PHRF1: variants seen among roughly 807,000 people sequenced by gnomAD.
PHRF1 encodes the protein PHD and RING finger domain-containing protein 1.
PHRF1 carries 53 observed loss-of-function variants against 128.9 expected under a neutral mutation model. The ratio of observed to expected loss-of-function variants is 0.41; its 90% confidence interval spans 0.33 to 0.52. The LOEUF is 0.52. PHRF1 is among the 20% of genes least tolerant of loss of function. The pLI, the probability that PHRF1 is intolerant of heterozygous loss-of-function variation, is 0.21. For synonymous variants in PHRF1, 1,178 were observed against 980.6 expected, an observed-to-expected ratio of 1.20 and a Z score of -3.76; for missense variants, 2,503 against 2,284.5, an observed-to-expected ratio of 1.10 and a Z score of -1.95.
chr11:582,918 C>G (rs1267963928), intron 3 of PHRF1, among the ~76,000 whole-genome samples: 1 of 151,790 alleles, frequency 6.6e-6, no homozygotes, highest in Non-Finnish European at 1.5e-5. Flanking sequence ...CCTGTAATCC[C>G]AGCTACTCGG....
chr11:586,185 G>A (rs111830833), intron 3 of PHRF1, among the ~76,000 whole-genome samples: 1,905 of 152,012 alleles, frequency 0.013, 15 homozygotes, highest in Non-Finnish European at 0.017. Context: ...TAGTAGAGAC[G>A]GGGTTTCACT....
Position 608,545 on chromosome 11 carries a change from C to T in PHRF1, c.3089C>T (p.Ser1030Leu), listed in dbSNP as rs763792441. The change falls in exon 14 of 18, where the codon TCG becomes TTG. Residue 1030 changes from serine to leucine, a missense_variant. Transcript: ENST00000264555. ...CGCTCTGAATCCAGGGACAGGAGCTCGAGGTCAGCGTCACCATCAGTGGGT... is the reference window on the plus strand; with the variant it reads ...CGCTCTGAATCCAGGGACAGGAGCTTGAGGTCAGCGTCACCATCAGTGGGT... ...GTRSESRDRS[S>L]RSASPSVGEE... 1.4e-5 allele frequency: 23 copies of T among 1,612,162 alleles called. No homozygotes were observed. The highest frequency in any genetic ancestry group is 7.7e-5 in the South Asian group (7 of 91,062).
At chr11:596,655 C>A (rs1388274735) in intron 6 of PHRF1, among the ~76,000 whole-genome samples, 2 of 152,246 alleles carry the variant, frequency 1.3e-5, no homozygotes, top group African/African-American at 4.8e-5. Flanking sequence ...TCCTGACTTA[C>A]AGACGGCCGC....
In PHRF1 at chr11:610,144, C is replaced by T. The variant is rs1251598608; in HGVS notation, c.4265-52C>T. 6.2e-6 allele frequency: 9 copies of T among 1,451,002 alleles called. No individual in the cohort carries two copies. In the African/African-American group the frequency reaches 7.2e-5, roughly 12 times the overall value. The allele number at this position is 1,451,002 out of a possible 1,614,324, so 89.9% of individuals were successfully genotyped here. On this transcript the variant is annotated intron_variant, in intron 14 of 17. Coordinates refer to ENST00000264555, the MANE Select transcript of PHRF1 (RefSeq NM_001286581.2). ...ATTTTTCCAGCCATGAAACAGCATT[C>T]TGGGCAGGGGTGGGCACAGAGCACC...
In PHRF1 at chr11:582,264, CTTT is replaced by C. The variant is rs71022934; in HGVS notation, c.214+199_214+201del. Among the ~76,000 whole-genome samples, 147 of 120,628 alleles carry C rather than the reference CTTT, an allele frequency of 1.2e-3. 1 individual carries two copies. The highest frequency in any genetic ancestry group is 3.0e-3 in the African/African-American group (101 of 33,956). 79.1% of individuals were successfully genotyped at this position (120,628 alleles called of 152,430 possible). A position where few individuals can be genotyped will look rare whatever the true frequency, so the allele number is the denominator to read the frequency against. On this transcript the variant is annotated intron_variant, in intron 3 of 17. Transcript: ENST00000264555. Reference sequence around the variant, plus strand: ...TCACTTTATTTGTAGTACTTCATTTCTTTTTTTTTTTTTTTTTTGAGACAGGGT... The same window carrying C: ...TCACTTTATTTGTAGTACTTCATTTCTTTTTTTTTTTTTTTGAGACAGGGT...
At position 601,534 on chromosome 11, in the gene PHRF1, C is replaced by T. The variant is rs769355822; in HGVS notation, c.1025-40C>T. On this transcript the variant is annotated intron_variant, in intron 9 of 17. Transcript: ENST00000264555. ...CTCACAGGAATGGGGCAGGGAGGGC[C>T]CAGCACAGAGAAGCACAGACTTCAA... 20 of 1,612,538 alleles carry T rather than the reference C, an allele frequency of 1.2e-5. 1 individual carries two copies. Among genetic ancestry groups the T allele is most frequent in the Middle Eastern group, 1.7e-4 (1 of 6,054 alleles).
intron 3 of PHRF1, among the ~76,000 whole-genome samples, chr11:585,577 GCCCTTT>G (rs1854485079): frequency 8.4e-6 from 1 of 119,442 alleles, no homozygotes; most frequent in Non-Finnish European, 1.7e-5. Context: ...TGAGGTAGTA[GCCCTTT>G]CCAGCTTGAG....
chr11:594,495 C>G (rs1242690439), intron 6 of PHRF1, among the ~76,000 whole-genome samples: 1 of 151,418 alleles, frequency 6.6e-6, no homozygotes, highest in Non-Finnish European at 1.5e-5. Context: ...TCTTGGCTCA[C>G]TGCAACCTCT....
chr11:584,273 A>G lies in PHRF1; in HGVS notation c.214+2192A>G, dbSNP rs561968628. 2.0e-5 allele frequency among the ~76,000 whole-genome samples: 3 copies of G among 152,244 alleles called. No homozygotes were observed. In the South Asian group the frequency reaches 6.2e-4, roughly 32 times the overall value. On this transcript the variant is annotated intron_variant, in intron 3 of 17. Transcript: ENST00000264555. ...CAGTTCTGGCGTTGCCAGGGCTGAA[A>G]GTGTGGGCCGTCAGGGCCGCCAGGT...
At chr11:601,492 C>T (rs2133028163) in intron 9 of PHRF1, 82 bp from the exon 10 acceptor site, 1 of 1,572,922 alleles carries the variant, frequency 6.4e-7, no homozygotes, top group Non-Finnish European at 8.6e-7. Context: ...TCCTTGGGCT[C>T]CGTCCACTGG....
At chr11:593,463 G>A (rs1195818055) in intron 6 of PHRF1, among the ~76,000 whole-genome samples, 4 of 152,376 alleles carry the variant, frequency 2.6e-5, no homozygotes, top group Non-Finnish European at 1.5e-5. Flanking sequence ...TGGGCTCCTG[G>A]TGAAGGCCTT....
chr11:588,296 CA>C (rs1332659619), intron 4 of PHRF1, among the ~76,000 whole-genome samples: 1 of 152,202 alleles, frequency 6.6e-6, no homozygotes, highest in Non-Finnish European at 1.5e-5. Flanking sequence ...TGATGTCACC[CA>C]AAGTCTGGCT....
chr11:579,280 C>G (rs138142657), intron 1 of PHRF1, among the ~76,000 whole-genome samples: 2 of 110,388 alleles, frequency 1.8e-5, no homozygotes, highest in African/African-American at 8.2e-5. Flanking sequence ...TCTGTTATCT[C>G]TTAGGTGGTC....
chr11:581,560 G>A lies in PHRF1; in HGVS notation c.48G>A (p.Pro16=), dbSNP rs753424590. The change falls in exon 2 of 18, where the codon CCG becomes CCA. Residue 16 remains proline, a synonymous_variant. Coordinates refer to ENST00000264555, the MANE Select transcript of PHRF1 (RefSeq NM_001286581.2). ...LDELVARSPG[P]DGHPQVGPAD... ...AGCTTGTGGCCCGGAGCCCAGGGCC[G>A]GATGGACACCCACAGGTCGGCCCTG... 2.0e-5 allele frequency: 32 copies of A among 1,613,380 alleles called. No individual in the cohort carries two copies. The highest frequency in any genetic ancestry group is 9.9e-5 in the South Asian group (9 of 91,084).
In PHRF1 at chr11:609,529, C is replaced by A. The variant is rs1352185719; in HGVS notation, c.4073C>A (p.Pro1358His). ...GACGCGGCTGAGAAGGCTGAGGCAC[C>A]CAGTTCCCCGGATGTGGCGCCTGCG... ...RPDAAEKAEA[P>H]SSPDVAPAGK... Residue 1358 changes from proline to histidine, a missense_variant, in exon 14 of 18, where the codon CCC becomes CAC. Pro to His is a moderately conservative substitution (Grantham distance 77). Transcript: ENST00000264555. 4 of 1,601,238 alleles carry A rather than the reference C, an allele frequency of 2.5e-6. No homozygotes were observed. The African/African-American group carries it at 4.0e-5, about 16-fold the overall frequency.
chr11:593,744 C>T (rs185586226), intron 6 of PHRF1, among the ~76,000 whole-genome samples: 68 of 152,336 alleles, frequency 4.5e-4, no homozygotes, highest in African/African-American at 1.1e-3. Context: ...CAGTGCGCTC[C>T]GCCGGCCCTT....
chr11:609,304 T>A lies in PHRF1; in HGVS notation c.3848T>A (p.Leu1283His). Residue 1283 changes from leucine (L) to histidine (H), a missense_variant, in exon 14 of 18, where the codon CTC (leucine) becomes CAC (histidine). Coordinates refer to ENST00000264555, the MANE Select transcript of PHRF1 (RefSeq NM_001286581.2). ...DFSSDAVFIQ[L>H]DDMSSPPSPE... ...TCAAGCGACGCCGTTTTCATCCAGCTCGATGACATGAGCTCGCCACCTTCT... is the reference window on the plus strand; with the variant it reads ...TCAAGCGACGCCGTTTTCATCCAGCACGATGACATGAGCTCGCCACCTTCT... 1 of 1,612,488 alleles carries A rather than the reference T, an allele frequency of 6.2e-7. No homozygotes were observed. The highest frequency in any genetic ancestry group is 8.5e-7 in the Non-Finnish European group (1 of 1,179,878).
chr11:608,853 T>G lies in PHRF1; in HGVS notation c.3397T>G (p.Cys1133Gly). ...CCCCACCAGCAGCCTGGAGAGGCTC[T>G]GCAGGCACAAGCATCAGCGGGAACG... is the stretch of plus-strand genomic sequence containing the variant. ...CSPTSSLERL[C>G]RHKHQRERSH... is the part of the protein sequence containing the mutation. The change falls in exon 14 of 18, where the codon TGC (cysteine) becomes GGC (glycine). Residue 1133 changes from cysteine to glycine, a missense_variant. Cys to Gly is a radical substitution (Grantham distance 159). Coordinates refer to ENST00000264555, the MANE Select transcript of PHRF1 (RefSeq NM_001286581.2). 6.2e-7 allele frequency: 1 copy of G among 1,612,274 alleles called. No homozygotes were observed. Among genetic ancestry groups the G allele is most frequent in the Non-Finnish European group, 8.5e-7 (1 of 1,179,792 alleles).
intron 1 of PHRF1, among the ~76,000 whole-genome samples, chr11:580,310 C>T (rs964377734): frequency 9.2e-5 from 14 of 152,204 alleles, no homozygotes; most frequent in Non-Finnish European, 1.5e-4. Context: ...GAAGGAGGAG[C>T]GTGTCCAACT....
Sources: allele counts gnomAD v4.1 joint callset (sites outside exome capture counted in the v4.1 genomes callset), GRCh38; gene constraint gnomAD v4.1.1; transcripts MANE v1.5; gene names NCBI Gene and HGNC (gene_info 2026-07-23, HGNC 2026-07-21).